The following LHPP variants were observed in gnomAD, a reference collection of about 807,000 sequenced individuals.
LHPP encodes the protein phospholysine phosphohistidine inorganic pyrophosphate phosphatase.
In LHPP, 24 loss-of-function variants were observed where a neutral mutation model predicts 30.3. The observed-to-expected ratio is 0.79, with a 90% CI of 0.57 to 1.11. The LOEUF (loss-of-function observed/expected upper bound fraction) is 1.11, where lower values mean the gene tolerates loss of function less well. Ranked by LOEUF, LHPP falls within the 50% of genes most tolerant of loss-of-function variation. The pLI, the probability that LHPP is intolerant of heterozygous loss-of-function variation, is 0.00. For synonymous variants in LHPP, 150 were observed against 157.1 expected, an observed-to-expected ratio of 0.95 and a Z score of 0.34; for missense variants, 356 against 367.2, an observed-to-expected ratio of 0.97 and a Z score of 0.25.
intron 5 of LHPP, among the ~76,000 whole-genome samples, chr10:124,503,967 G>A (rs1005447368): frequency 4.6e-5 from 7 of 152,168 alleles, no homozygotes; most frequent in South Asian, 4.2e-4. Context: ...CAAGGAGGGC[G>A]GATCACCTGA....
At chr10:124,600,407 T>G (rs1194576146) in intron 6 of LHPP, among the ~76,000 whole-genome samples, 5 of 152,240 alleles carry the variant, frequency 3.3e-5, no homozygotes, top group African/African-American at 1.2e-4. Flanking sequence ...GGGCTCAGCT[T>G]CACTGGCCAG....
chr10:124,575,530 A>G (rs1229200630), intron 6 of LHPP, among the ~76,000 whole-genome samples: 1 of 152,090 alleles, frequency 6.6e-6, no homozygotes, highest in Non-Finnish European at 1.5e-5. Context: ...TTTCCATGAC[A>G]GTCCCCTGTG....
At chr10:124,607,376 G>A (rs1005962490) in intron 6 of LHPP, among the ~76,000 whole-genome samples, 1 of 152,252 alleles carries the variant, frequency 6.6e-6, no homozygotes, top group Non-Finnish European at 1.5e-5. Flanking sequence ...CCACAGCAGC[G>A]TCACGTAATT....
chr10:124,487,051 A>G (rs9422988), intron 2 of LHPP, among the ~76,000 whole-genome samples: 110,053 of 152,204 alleles, frequency 0.72, 40,060 homozygotes, highest in East Asian at 0.92. Context: ...CATCCATATT[A>G]TTGCATGTAT....
At chr10:124,546,698 C>T (rs981047656) in intron 6 of LHPP, among the ~76,000 whole-genome samples, 1 of 151,964 alleles carries the variant, frequency 6.6e-6, no homozygotes, top group Admixed American at 6.6e-5. Context: ...GCGTGAGCCA[C>T]CGCGCCCGCC....
chr10:124,530,438 T>A (rs540988368), intron 6 of LHPP, among the ~76,000 whole-genome samples: 11 of 151,690 alleles, frequency 7.3e-5, no homozygotes, highest in African/African-American at 2.7e-4. Flanking sequence ...CGATCCCGCA[T>A]CCACATGTGC....
intron 5 of LHPP, among the ~76,000 whole-genome samples, chr10:124,499,040 C>G (rs1291433247): frequency 2.6e-5 from 4 of 151,762 alleles, no homozygotes; most frequent in Non-Finnish European, 5.9e-5. Context: ...CACCACCACA[C>G]CAGCTAATTT....
intron 6 of LHPP, among the ~76,000 whole-genome samples, chr10:124,559,064 A>G (rs527403679): frequency 2.0e-3 from 304 of 152,238 alleles, no homozygotes; most frequent in African/African-American, 6.8e-3. Flanking sequence ...TGGTTTCTGC[A>G]GAGGTTACCA....
intron 6 of LHPP, among the ~76,000 whole-genome samples, chr10:124,531,892 C>A (rs948821016): frequency 6.6e-6 from 1 of 152,210 alleles, no homozygotes; most frequent in South Asian, 2.1e-4. Context: ...TGAATGATTT[C>A]TATGATGGTC....
chr10:124,610,785 C>A (rs1589720226), intron 6 of LHPP, among the ~76,000 whole-genome samples: 1 of 80,222 alleles, frequency 1.2e-5, no homozygotes, highest in African/African-American at 5.2e-5. Flanking sequence ...GCTGATGGAG[C>A]GGGTGAGGGT....
rs188519753 is a variant in LHPP at position 124,614,124 on chromosome 10, A to C, written c.*764A>C. ...CAGGAGGAAACTAACAGTTCAGTAAACTCTGCCTTGACCAGCAGCCTTTGA... is the reference window on the plus strand; with the variant it reads ...CAGGAGGAAACTAACAGTTCAGTAACCTCTGCCTTGACCAGCAGCCTTTGA... On this transcript the variant is annotated 3_prime_UTR_variant, in exon 7 of 7. Transcript: ENST00000368842. 9.9e-5 allele frequency: 15 copies of C among 152,172 alleles called. No homozygotes were observed. The highest frequency in any genetic ancestry group is 3.3e-4 in the Admixed American group (5 of 15,276). The allele number at this position is 152,172 out of a possible 1,614,324, so 9.4% of individuals were successfully genotyped here.
intron 6 of LHPP, among the ~76,000 whole-genome samples, chr10:124,611,284 A>G (rs1385872111): frequency 2.6e-5 from 4 of 152,028 alleles, no homozygotes; most frequent in Non-Finnish European, 4.4e-5. Context: ...CTGGGAGTAG[A>G]ACTCAGTCAG....
At chr10:124,479,961 G>A (rs1044159588) in intron 1 of LHPP, among the ~76,000 whole-genome samples, 19 of 152,322 alleles carry the variant, frequency 1.2e-4, no homozygotes, top group African/African-American at 4.6e-4. Flanking sequence ...CTGACAGCCA[G>A]GCACCTGGGC....
At chr10:124,605,165 C>T (rs1262709516) in intron 6 of LHPP, 1 of 152,370 alleles carries the variant, frequency 6.6e-6, no homozygotes, top group Admixed American at 6.5e-5. Flanking sequence ...CACAGAACCG[C>T]CTTGTTTTCT....
At chr10:124,489,774 T>TC (rs36063847) in intron 3 of LHPP, 28,216 of 178,030 alleles carry the variant, frequency 0.16, 2,967 homozygotes, top group Non-Finnish European at 0.2. Context: ...TTTCTTTTTT[T>TC]TTTTTTCTGC....
At chr10:124,528,656 G>C (rs1954806214) in intron 6 of LHPP, among the ~76,000 whole-genome samples, 1 of 151,984 alleles carries the variant, frequency 6.6e-6, no homozygotes, top group African/African-American at 2.4e-5. Flanking sequence ...ACAGTGCCTG[G>C]CCTTCCCCAC....
chr10:124,605,513 C>G (rs1949079968), intron 6 of LHPP: 1 of 152,376 alleles, frequency 6.6e-6, no homozygotes, highest in Admixed American at 6.5e-5. Flanking sequence ...GAGATGGGGA[C>G]AGGTGAGTGG....
intron 6 of LHPP, among the ~76,000 whole-genome samples, chr10:124,528,739 T>C (rs1409036148): frequency 6.6e-6 from 1 of 152,148 alleles, no homozygotes; most frequent in Non-Finnish European, 1.5e-5. Flanking sequence ...AGTCCCCTGG[T>C]CCCCGTAGAT....
chr10:124,494,304 C>G (rs1243457492), intron 3 of LHPP, among the ~76,000 whole-genome samples: 2 of 152,186 alleles, frequency 1.3e-5, no homozygotes, highest in Non-Finnish European at 1.5e-5. Flanking sequence ...TCTAGCTCCT[C>G]CAGCCGGCCC....
Sources: gnomAD v4.1 joint callset for allele counts (sites outside exome capture counted in the v4.1 genomes callset) on GRCh38, gnomAD v4.1.1 for gene constraint, MANE v1.5 for transcripts, NCBI Gene and HGNC (gene_info 2026-07-23, HGNC 2026-07-21) for gene names.